Variants in RALGPS1 observed in about 807,000 individuals in gnomAD.
RALGPS1 encodes the protein Ral GEF with PH domain and SH3 binding motif 1, also known as ras-specific guanine nucleotide-releasing factor RalGPS1.
In RALGPS1, 19 loss-of-function variants were observed where a neutral mutation model predicts 78.8. The observed-to-expected ratio is 0.24, with a 90% CI of 0.17 to 0.35. RALGPS1 has a LOEUF of 0.35. RALGPS1 is among the 10% of genes least tolerant of loss of function. RALGPS1 has a pLI of 1.00. For missense variants in RALGPS1, 454 were observed against 688.3 expected (o/e 0.66, Z 3.81); for synonymous variants, 228 against 256.3 (o/e 0.89, Z 1.06).
Position 126,986,508 on chromosome 9 carries a change from G to A in RALGPS1, c.216+8763G>A, listed in dbSNP as rs550319781. Among the ~76,000 whole-genome samples the A allele has an allele frequency of 4.3e-4, 66 of 152,256 alleles. 1 individual carries two copies. Among genetic ancestry groups the A allele is most frequent in the Middle Eastern group, 3.4e-3 (1 of 294 alleles). On this transcript the variant is annotated intron_variant, in intron 4 of 18. Transcript: ENST00000259351. ...CTGGTGGTAGCAGCCTTCTAAAAGG[G>A]TATGTTTTCAAGGTGGTGTTTTGTC...
intron 8 of RALGPS1, among the ~76,000 whole-genome samples, chr9:127,109,102 C>A (rs955198629): frequency 3.3e-5 from 5 of 152,324 alleles, no homozygotes; most frequent in African/African-American, 9.6e-5. Flanking sequence ...GCCTGAGAAT[C>A]GTATCCAGGC....
chr9:127,036,001 C>T (rs2046835037), intron 5 of RALGPS1, among the ~76,000 whole-genome samples: 1 of 152,130 alleles, frequency 6.6e-6, no homozygotes, highest in African/African-American at 2.4e-5. Flanking sequence ...CTCTGACCAG[C>T]CACAGAGCTC....
At chr9:127,089,027 C>T in intron 8 of RALGPS1, 1 of 1,614,218 alleles carries the variant, frequency 6.2e-7, no homozygotes, top group Non-Finnish European at 8.5e-7. Flanking sequence ...CCAGTAGACT[C>T]CGTCCTGGTA....
rs770033229 is a variant in RALGPS1 at position 127,091,741 on chromosome 9, G to A, written c.610+22385G>A. ...GTTGTGCCATGTAAAGGAGTCACCC[G>A]CATTGCCATGGTAGCGCCCCAGCCG... On this transcript the variant is annotated intron_variant, in intron 8 of 18. Coordinates refer to ENST00000259351, the MANE Select transcript of RALGPS1 (RefSeq NM_014636.3). The surrounding 1 kb of genome is among the most constrained non-coding windows in gnomAD (Gnocchi z 4.3). The A allele has an allele frequency of 4.3e-6, 7 of 1,613,990 alleles. No individual in the cohort carries two copies. The highest frequency in any genetic ancestry group is 1.3e-5 in the African/African-American group (1 of 74,892).
chr9:127,026,707 T>G (rs138041236), intron 4 of RALGPS1, among the ~76,000 whole-genome samples: 1 of 152,334 alleles, frequency 6.6e-6, no homozygotes, highest in Non-Finnish European at 1.5e-5. Context: ...GCCTGGTGGC[T>G]TGTAGGTGTT....
intron 4 of RALGPS1, among the ~76,000 whole-genome samples, chr9:127,013,491 C>G (rs1564416746): frequency 6.6e-6 from 1 of 152,162 alleles, no homozygotes; most frequent in Non-Finnish European, 1.5e-5. Flanking sequence ...CGCCCCCTCT[C>G]TCTCCCACAG....
At position 126,944,929 on chromosome 9, in the gene RALGPS1, G is replaced by A. The variant is rs189227068; in HGVS notation, c.-65-17296G>A. ...TGAGCCTTGGTGGATGAAATTTAGA[G>A]TCTAGTTTTGGTGATTCTATTTGTC... is the stretch of plus-strand genomic sequence containing the variant. On this transcript the variant is annotated intron_variant, in intron 1 of 18. Coordinates refer to ENST00000259351, the MANE Select transcript of RALGPS1 (RefSeq NM_014636.3). Among the ~76,000 whole-genome samples, 653 of 152,278 alleles carry A rather than the reference G, an allele frequency of 4.3e-3. 5 individuals are homozygous for A. Among genetic ancestry groups the A allele is most frequent in the Non-Finnish European group, 6.1e-3 (416 of 68,016 alleles).
intron 8 of RALGPS1, among the ~76,000 whole-genome samples, chr9:127,144,571 T>G (rs1321233741): frequency 6.6e-6 from 1 of 152,228 alleles, no homozygotes; most frequent in Non-Finnish European, 1.5e-5. Context: ...ACAGCACTAT[T>G]CACAATAGCC....
At chr9:127,047,518 G>T (rs923887441) in intron 5 of RALGPS1, among the ~76,000 whole-genome samples, 1 of 152,056 alleles carries the variant, frequency 6.6e-6, no homozygotes, top group Non-Finnish European at 1.5e-5. Context: ...GGCCAATACG[G>T]TGAAACCCCA....
rs2060444210 is a variant in RALGPS1, at chr9:127,183,757, T to C, written c.910+8975T>C. ...TCTGGAAACATACTCTCTCTGCCCG[T>C]TTATATTTTCGGAATGGATGGGTGG... On this transcript the variant is annotated intron_variant, in intron 11 of 18. Coordinates refer to ENST00000259351, the MANE Select transcript of RALGPS1 (RefSeq NM_014636.3). This position sits in a 1 kb window ranked among gnomAD's most constrained non-coding sequence, Gnocchi z 4.0. 4.4e-6 allele frequency: 4 copies of C among 909,928 alleles called. No homozygotes were observed. Among genetic ancestry groups the C allele is most frequent in the Non-Finnish European group, 6.5e-6 (4 of 611,652 alleles). 56.4% of individuals were successfully genotyped at this position (909,928 alleles called of 1,614,324 possible). A position where few individuals can be genotyped will look rare whatever the true frequency, so the allele number is the denominator to read the frequency against.
In RALGPS1 at chr9:127,183,636, G is replaced by T. The variant is rs1018696676; in HGVS notation, c.910+8854G>T. ...CTGCTAGAGACATAGTTCAACCTCC[G>T]CAGGGGGTCTGTGGAGACTCCGCCT... On this transcript the variant is annotated intron_variant, in intron 11 of 18. Coordinates refer to ENST00000259351, the MANE Select transcript of RALGPS1 (RefSeq NM_014636.3). This position sits in a 1 kb window ranked among gnomAD's most constrained non-coding sequence, Gnocchi z 4.0. Among the ~76,000 whole-genome samples, 3 of 152,082 alleles carry T rather than the reference G, an allele frequency of 2.0e-5. No individual in the cohort carries two copies. The highest frequency in any genetic ancestry group is 2.9e-5 in the Non-Finnish European group (2 of 68,010).
At chr9:126,965,973 T>C in intron 3 of RALGPS1, 22 bp downstream of exon 3, 1 of 1,589,702 alleles carries the variant, frequency 6.3e-7, no homozygotes, top group Non-Finnish European at 8.6e-7. Flanking sequence ...AGGGCTGGTG[T>C]GGGTGGCTGG....
chr9:127,214,685 A>G, intron 17 of RALGPS1, 66 bp from the exon 18 acceptor site: 1 of 1,552,290 alleles, frequency 6.4e-7, no homozygotes, highest in Middle Eastern at 1.7e-4. Flanking sequence ...ATTTCTCTTT[A>G]TGCCAGTCAC....
At chr9:127,141,637 A>AG (rs950228563) in intron 8 of RALGPS1, among the ~76,000 whole-genome samples, 5 of 151,076 alleles carry the variant, frequency 3.3e-5, no homozygotes, top group Non-Finnish European at 5.9e-5. Flanking sequence ...AAAAAAAAAA[A>AG]AAAGAAAGAA....
At chr9:127,039,163 C>T (rs2047088863) in intron 5 of RALGPS1, among the ~76,000 whole-genome samples, 1 of 152,106 alleles carries the variant, frequency 6.6e-6, no homozygotes, top group Non-Finnish European at 1.5e-5. Flanking sequence ...GAAACAGAGG[C>T]CCAAGTGAGT....
Position 126,971,482 on chromosome 9 carries a change from C to T in RALGPS1, c.165+5531C>T, listed in dbSNP as rs139444042. On this transcript the variant is annotated intron_variant, in intron 3 of 18. Coordinates refer to ENST00000259351, the MANE Select transcript of RALGPS1 (RefSeq NM_014636.3). ...TTAGATTACCATCAGTCTTTTTTGA[C>T]AGAAACATGTTTTTTCCAAAAGGAA... is the stretch of plus-strand genomic sequence containing the variant. Among the ~76,000 whole-genome samples, 528 of 151,502 alleles carry T rather than the reference C, an allele frequency of 3.5e-3. 3 individuals are homozygous for T. Among genetic ancestry groups the T allele is most frequent in the African/African-American group, 0.012 (489 of 41,378 alleles).
At chr9:127,085,227 T>C (rs2051585156) in intron 8 of RALGPS1, among the ~76,000 whole-genome samples, 1 of 152,168 alleles carries the variant, frequency 6.6e-6, no homozygotes, top group South Asian at 2.1e-4. Context: ...TGGCTAAAAC[T>C]GGGATGCAGG....
At chr9:127,201,879 C>T (rs1362708073) in intron 14 of RALGPS1, among the ~76,000 whole-genome samples, 3 of 152,210 alleles carry the variant, frequency 2.0e-5, no homozygotes, top group African/African-American at 7.2e-5. Flanking sequence ...CTGCAGATGC[C>T]GTAAGAACAC....
intron 2 of RALGPS1, 121 bp downstream of exon 2, chr9:126,962,467 CTCCTAAGG>C (rs1220450017): frequency 1.0e-6 from 1 of 978,104 alleles, no homozygotes; most frequent in Non-Finnish European, 1.6e-6. Flanking sequence ...ATTCTTAGCA[CTCCTAAGG>C]CCCCTGGCCA....
Sources: gnomAD v4.1 joint callset for allele counts (sites outside exome capture counted in the v4.1 genomes callset) on GRCh38, gnomAD v4.1.1 for gene constraint, Gnocchi (gnomAD v3.1) non-coding constraint, MANE v1.5 for transcripts, NCBI Gene and HGNC (gene_info 2026-07-23, HGNC 2026-07-21) for gene names.